Variants in MDK observed in about 807,000 individuals in gnomAD.
MDK encodes the protein amphiregulin-associated protein.
MDK carries 17 observed loss-of-function variants against 18.9 expected under a neutral mutation model. The observed-to-expected ratio is 0.90, with a 90% CI of 0.62 to 1.35. The LOEUF (loss-of-function observed/expected upper bound fraction) is 1.35, where lower values mean the gene tolerates loss of function less well. MDK is among the 40% of genes most tolerant of loss of function. MDK has a pLI of 0.00. For missense variants in MDK, 180 were observed against 186.3 expected (o/e 0.97, Z 0.20); for synonymous variants, 86 against 74.3 (o/e 1.16, Z -0.81).
rs1590672292 is a variant in MDK at position 46,381,827 on chromosome 11, G to A, written c.-2+69G>A. 6 of 461,356 alleles carry A rather than the reference G, an allele frequency of 1.3e-5. No homozygotes were observed. In the East Asian group the frequency reaches 1.5e-4, roughly 11 times the overall value. The allele number at this position is 461,356 out of a possible 1,614,324, so 28.6% of individuals were successfully genotyped here. ...TAGGGGCTGGGGGCTGGAGGCGGGG[G>A]TGGGGGTCTGAGCTGCGTCCTGGGC... On this transcript the variant is annotated intron_variant, in intron 1 of 4. Transcript: ENST00000395566.
At chr11:46,382,793 C>G (rs1386092366) in intron 4 of MDK, 45 bp downstream of exon 4, 1 of 588,690 alleles carries the variant, frequency 1.7e-6, no homozygotes, top group East Asian at 6.3e-5. Context: ...GGGGGCTGCC[C>G]CCCCCCCCCC....
intron 2 of MDK, 64 bp downstream of exon 2, chr11:46,382,197 G>A: frequency 6.2e-7 from 1 of 1,605,480 alleles, no homozygotes; most frequent in Non-Finnish European, 8.5e-7. Flanking sequence ...CTTCTGGGCT[G>A]GGCCGCCTGG....
At chr11:46,382,803 C>CA (rs989058210) in intron 4 of MDK, 55 bp downstream of exon 4, 2 of 1,481,038 alleles carry the variant, frequency 1.4e-6, no homozygotes, top group Admixed American at 2.0e-5. Flanking sequence ...CCCCCCCCCC[C>CA]CCGCCTGTGA....
chr11:46,382,909 A>G, intron 4 of MDK, 161 bp downstream of exon 4: 1 of 828,830 alleles, frequency 1.2e-6, no homozygotes, highest in Non-Finnish European at 1.9e-6. Flanking sequence ...AAGTCTGAAG[A>G]TGGGCACTAC....
rs564442609 is a variant in MDK, at chr11:46,382,891, G to T, written c.406+143G>T. ...TGACATCGCCTCACTTGGCTTCCCT[G>T]CCTGGAAAAGTCTGAAGATGGGCAC... On this transcript the variant is annotated intron_variant, in intron 4 of 4. Transcript: ENST00000395566. 6.2e-6 allele frequency: 6 copies of T among 967,718 alleles called. No homozygotes were observed. In the East Asian group the frequency reaches 1.6e-4, roughly 26 times the overall value. The allele number at this position is 967,718 out of a possible 1,614,324, so 59.9% of individuals were successfully genotyped here.
rs769018894 is a variant in MDK at position 46,382,574 on chromosome 11, GCT to G, written c.245-7_245-6del. On this transcript the variant is annotated splice_polypyrimidine_tract_variant and intron_variant, in intron 3 of 4. Transcript: ENST00000395566. Reference sequence around the variant, plus strand: ...GGGCCGCGCAGCGCTGACCTGGGCCGCTCTCTCGCCAGCCGACTGCAAGTACA... The same window carrying G: ...GGGCCGCGCAGCGCTGACCTGGGCCGCTCTCGCCAGCCGACTGCAAGTACA... The G allele has an allele frequency of 2.2e-5, 36 of 1,601,954 alleles. No homozygotes were observed. The Admixed American group carries it at 6.1e-4, about 27-fold the overall frequency.
At chr11:46,382,796 C>CG (rs752349599) in intron 4 of MDK, 48 bp downstream of exon 4, 9 of 1,475,358 alleles carry the variant, frequency 6.1e-6, no homozygotes, top group Admixed American at 4.1e-5. Context: ...GGCTGCCCCC[C>CG]CCCCCCCCCG....
chr11:46,382,993 T>C (rs890686630), intron 4 of MDK: 7 of 569,922 alleles, frequency 1.2e-5, no homozygotes, highest in African/African-American at 3.8e-5. Context: ...AACTACTCCA[T>C]TGGAGCATCT....
chr11:46,383,575 G>C lies in MDK; in HGVS notation c.*81G>C. On this transcript the variant is annotated 3_prime_UTR_variant, in exon 5 of 5. Transcript: ENST00000395566. ...CCTCCCTCTCCCAGGCCCGAGATGT[G>C]ACCCACCAGTGCCTTCTGTCTGCTC... 7.9e-7 allele frequency: 1 copy of C among 1,267,818 alleles called. No individual in the cohort carries two copies. The highest frequency in any genetic ancestry group is 1.2e-5 in the South Asian group (1 of 84,004). 78.5% of individuals were successfully genotyped at this position (1,267,818 alleles called of 1,614,324 possible). A position where few individuals can be genotyped will look rare whatever the true frequency, so the allele number is the denominator to read the frequency against.
chr11:46,382,373 C>A lies in MDK; in HGVS notation c.156C>A (p.Cys52Ter). Residue 52 changes from cysteine (C) to a stop codon, truncating the protein, a stop_gained, in exon 3 of 5, where the codon TGC becomes TGA. Transcript: ENST00000395566. LOFTEE classifies it high-confidence loss of function. ...WGPCTPSSKD[C>*]GVGFREGTCG... The stretch of plus-strand genomic sequence containing the variant: ...CCTGCACCCCCAGCAGCAAGGATTG[C>A]GGCGTGGGTTTCCGCGAGGGCACCT... The A allele has an allele frequency of 6.3e-7, 1 of 1,577,606 alleles. No individual in the cohort carries two copies. The highest frequency in any genetic ancestry group is 1.7e-4 in the Middle Eastern group (1 of 5,772).
In MDK at chr11:46,383,553, C is replaced by T. The variant is rs757043536; in HGVS notation, c.*59C>T. On this transcript the variant is annotated 3_prime_UTR_variant, in exon 5 of 5. Transcript: ENST00000395566. ...TCACATGGGGCCTGGCCCACGCCCT[C>T]CCTCTCCCAGGCCCGAGATGTGACC... 8 of 1,526,484 alleles carry T rather than the reference C, an allele frequency of 5.2e-6. No homozygotes were observed. The South Asian group carries it at 7.8e-5, about 15-fold the overall frequency. 94.6% of individuals were successfully genotyped at this position (1,526,484 alleles called of 1,614,324 possible). A position where few individuals can be genotyped will look rare whatever the true frequency, so the allele number is the denominator to read the frequency against.
rs1480560646 is a variant in MDK, at chr11:46,382,804, C to T, written c.406+56C>T. 17 of 1,488,914 alleles carry T rather than the reference C, an allele frequency of 1.1e-5. No individual in the cohort carries two copies. In the South Asian group the frequency reaches 1.5e-4, roughly 13 times the overall value. The allele number at this position is 1,488,914 out of a possible 1,614,324, so 92.2% of individuals were successfully genotyped here. A position where few individuals can be genotyped will look rare whatever the true frequency, so the allele number is the denominator to read the frequency against. On this transcript the variant is annotated intron_variant, in intron 4 of 4. Coordinates refer to ENST00000395566, the MANE Select transcript of MDK (RefSeq NM_002391.6). ...CGCGGGGGGCTGCCCCCCCCCCCCCCCGCCTGTGAGGGGACAATTCCAAGT... is the reference window on the plus strand; with the variant it reads ...CGCGGGGGGCTGCCCCCCCCCCCCCTCGCCTGTGAGGGGACAATTCCAAGT...
In MDK at chr11:46,383,514, A is replaced by C; in HGVS notation, c.*20A>C. 6.2e-7 allele frequency: 1 copy of C among 1,612,636 alleles called. No homozygotes were observed. The highest frequency in any genetic ancestry group is 8.5e-7 in the Non-Finnish European group (1 of 1,179,164). On this transcript the variant is annotated 3_prime_UTR_variant, in exon 5 of 5. Coordinates refer to ENST00000395566, the MANE Select transcript of MDK (RefSeq NM_002391.6). The stretch of plus-strand genomic sequence containing the variant: ...GACTAGACGCCAAGCCTGGATGCCA[A>C]GGAGCCCCTGGTGTCACATGGGGCC...
intron 4 of MDK, 35 bp downstream of exon 4, chr11:46,382,783 G>A (rs1262285279): frequency 1.3e-6 from 2 of 1,552,424 alleles, no homozygotes; most frequent in South Asian, 1.2e-5. Flanking sequence ...GGCTGTCGCG[G>A]GGGGCTGCCC....
chr11:46,382,723 C>T lies in MDK; in HGVS notation c.381C>T (p.Thr127=). The T allele has an allele frequency of 6.2e-7, 1 of 1,612,694 alleles. No individual in the cohort carries two copies. The highest frequency in any genetic ancestry group is 8.5e-7 in the Non-Finnish European group (1 of 1,179,758). Residue 127 remains threonine (T), a synonymous_variant, in exon 4 of 5, where the codon ACC becomes ACT. Coordinates refer to ENST00000395566, the MANE Select transcript of MDK (RefSeq NM_002391.6). The part of the protein sequence containing the change: ...QETIRVTKPC[T]PKTKAKAKAK... ...CCATCCGCGTCACCAAGCCCTGCAC[C>T]CCCAAGACCAAAGCAAAGGCCAAAG...
At chr11:46,383,167 G>A in intron 4 of MDK, 1 of 424,246 alleles carries the variant, frequency 2.4e-6, no homozygotes, top group Non-Finnish European at 4.3e-6. Context: ...GGCCAGCAGG[G>A]CAGGGGTGAA....
At position 46,383,782 on chromosome 11, in the gene MDK, AACTG is replaced by A. The variant is rs1321718986; in HGVS notation, c.*292_*295del. ...CCATTACTAAGAAACACATCAAATAAACTGACTTTTTCCCCCCAATAAAAGCTCT... is the reference window on the plus strand; with the variant it reads ...CCATTACTAAGAAACACATCAAATAAACTTTTTCCCCCCAATAAAAGCTCT... On this transcript the variant is annotated 3_prime_UTR_variant, in exon 5 of 5. Coordinates refer to ENST00000395566, the MANE Select transcript of MDK (RefSeq NM_002391.6). 3.9e-6 allele frequency: 2 copies of A among 508,900 alleles called. No individual in the cohort carries two copies. The highest frequency in any genetic ancestry group is 1.9e-5 in the African/African-American group (1 of 51,464). 31.5% of individuals were successfully genotyped at this position (508,900 alleles called of 1,614,324 possible).
Position 46,382,600 on chromosome 11 carries a change from C to G in MDK, c.258C>G (p.Tyr86Ter), listed in dbSNP as rs1945244945. 1 of 1,611,388 alleles carries G rather than the reference C, an allele frequency of 6.2e-7. No homozygotes were observed. The highest frequency in any genetic ancestry group is 8.5e-7 in the Non-Finnish European group (1 of 1,179,102). ...WKKEFGADCK[Y>*]KFENWGACDG... Reference sequence around the variant, plus strand: ...CTCTCTCGCCAGCCGACTGCAAGTACAAGTTTGAGAACTGGGGTGCGTGTG... The same window carrying G: ...CTCTCTCGCCAGCCGACTGCAAGTAGAAGTTTGAGAACTGGGGTGCGTGTG... The change falls in exon 4 of 5, where the codon TAC becomes TAG. Residue 86 changes from tyrosine to a stop codon, truncating the protein, a stop_gained. Coordinates refer to ENST00000395566, the MANE Select transcript of MDK (RefSeq NM_002391.6). LOFTEE classifies it high-confidence loss of function.
Position 46,383,577 on chromosome 11 carries a change from C to A in MDK, c.*83C>A, listed in dbSNP as rs1945288359. 2 of 1,194,324 alleles carry A rather than the reference C, an allele frequency of 1.7e-6. No individual in the cohort carries two copies. Among genetic ancestry groups the A allele is most frequent in the African/African-American group, 3.0e-5 (2 of 66,922 alleles). 74.0% of individuals were successfully genotyped at this position (1,194,324 alleles called of 1,614,324 possible). A position where few individuals can be genotyped will look rare whatever the true frequency, so the allele number is the denominator to read the frequency against. On this transcript the variant is annotated 3_prime_UTR_variant, in exon 5 of 5. Coordinates refer to ENST00000395566, the MANE Select transcript of MDK (RefSeq NM_002391.6). ...TCCCTCTCCCAGGCCCGAGATGTGA[C>A]CCACCAGTGCCTTCTGTCTGCTCGT...
Sources: gnomAD v4.1 joint callset for allele counts on GRCh38, gnomAD v4.1.1 for gene constraint, MANE v1.5 for transcripts, NCBI Gene and HGNC (gene_info 2026-07-23, HGNC 2026-07-21) for gene names.